The following GLS variants were observed in gnomAD, a reference collection of about 807,000 sequenced individuals.
The protein encoded by GLS is glutaminase, also known as glutaminase kidney isoform, mitochondrial.
Under a neutral mutation model 86.7 loss-of-function variants are expected in GLS, and 36 were observed. The observed-to-expected ratio is 0.42, with a 90% CI of 0.32 to 0.55. GLS has a LOEUF of 0.55. GLS is among the 20% of genes least tolerant of loss of function. The probability of loss-of-function intolerance (pLI) is 0.17; values close to 1 mark genes in which losing one functional copy is unlikely to be tolerated. For synonymous variants in GLS, 317 were observed against 305.9 expected (o/e 1.04, Z -0.38); for missense variants, 528 against 833.4 (o/e 0.63, Z 4.51).
At position 190,881,346 on chromosome 2, in the gene GLS, A is replaced by G. The variant is rs1688162623; in HGVS notation, c.262A>G (p.Thr88Ala). The G allele has an allele frequency of 1.9e-5, 29 of 1,536,400 alleles. No homozygotes were observed. The highest frequency in any genetic ancestry group is 2.5e-5 in the Non-Finnish European group (29 of 1,141,438). ...EILQELGKGSTHPQPGVSPPA... is the reference protein window; with the variant it reads ...EILQELGKGSAHPQPGVSPPA... ...CTTGCAGGAGCTGGGCAAGGGGAGC[A>G]CGCATCCGCAGCCCGGGGTGTCGCC... Residue 88 changes from threonine to alanine, a missense_variant, in exon 1 of 18, where the codon ACG becomes GCG. By Grantham distance (58) the Thr-to-Ala change is moderately conservative. Around this residue, in one of 4 missense-constraint regions of GLS, gnomAD observed 224 missense variants for 187.9 expected, o/e 1.19. Transcript: ENST00000320717.
chr2:190,912,753 T>C (rs1409517845), intron 7 of GLS, among the ~76,000 whole-genome samples: 3 of 152,208 alleles, frequency 2.0e-5, no homozygotes, highest in Non-Finnish European at 4.4e-5. Context: ...CCATTTCTCT[T>C]GATGACATCT....
chr2:190,925,830 A>G (rs560880949), intron 11 of GLS, among the ~76,000 whole-genome samples: 2 of 152,332 alleles, frequency 1.3e-5, no homozygotes, highest in East Asian at 1.9e-4. Flanking sequence ...ACCTAATTTT[A>G]GTTACTGATC....
chr2:190,950,775 G>A (rs1690699575), intron 14 of GLS, among the ~76,000 whole-genome samples: 1 of 152,212 alleles, frequency 6.6e-6, no homozygotes, highest in Non-Finnish European at 1.5e-5. Context: ...TGAGTTTGTG[G>A]CCTGAGCAAG....
chr2:190,952,786 GTTTAA>G (rs1690750567), intron 14 of GLS, among the ~76,000 whole-genome samples: 1 of 152,200 alleles, frequency 6.6e-6, no homozygotes, highest in Non-Finnish European at 1.5e-5. Context: ...ATGGTCAATA[GTTTAA>G]TTTCTCATAG....
intron 11 of GLS, among the ~76,000 whole-genome samples, chr2:190,926,664 G>T (rs928716730): frequency 2.0e-5 from 3 of 152,088 alleles, no homozygotes; most frequent in Non-Finnish European, 2.9e-5. Context: ...TTTTATCCTA[G>T]AGGGTATTCT....
At chr2:190,932,992 CTT>C in intron 14 of GLS, 2 of 1,196,674 alleles carry the variant, frequency 1.7e-6, no homozygotes, top group Non-Finnish European at 2.1e-6. Flanking sequence ...AGCCATAAAG[CTT>C]TTTTTTCCTT....
intron 14 of GLS, among the ~76,000 whole-genome samples, chr2:190,939,161 T>C (rs1380224799): frequency 6.6e-6 from 1 of 151,678 alleles, no homozygotes; most frequent in Non-Finnish European, 1.5e-5. Context: ...TTTGGATCTG[T>C]GAGTGGCCCC....
rs984520012 is a variant in GLS, at chr2:190,930,272, A to G, written c.1426-165A>G. ...GAGATCTCCCTGTGTTACCCAGCCTAGCCTCCAACTCCTGGGCTCAAGTGA... is the reference window on the plus strand; with the variant it reads ...GAGATCTCCCTGTGTTACCCAGCCTGGCCTCCAACTCCTGGGCTCAAGTGA... On this transcript the variant is annotated intron_variant, in intron 12 of 17. Transcript: ENST00000320717. This position sits in a 1 kb window ranked among gnomAD's most constrained non-coding sequence, Gnocchi z 5.0. 7.2e-5 allele frequency among the ~76,000 whole-genome samples: 11 copies of G among 151,924 alleles called. No individual in the cohort carries two copies. Among genetic ancestry groups the G allele is most frequent in the Non-Finnish European group, 4.4e-5 (3 of 67,974 alleles).
At chr2:190,932,548 T>C (rs760953686) in intron 14 of GLS, 9 of 390,946 alleles carry the variant, frequency 2.3e-5, no homozygotes, top group Non-Finnish European at 3.6e-5. Flanking sequence ...ACCAACAGAA[T>C]AGAAACTTCC....
In GLS at chr2:190,921,380, A is replaced by AC. The variant is rs1689731265; in HGVS notation, c.1130+181dup. On this transcript the variant is annotated intron_variant, in intron 9 of 17. Coordinates refer to ENST00000320717, the MANE Select transcript of GLS (RefSeq NM_014905.5). The surrounding 1 kb of genome is among the most constrained non-coding windows in gnomAD (Gnocchi z 4.2). ...ACAGGTAATCATACAATCAGAAGAG[A>AC]CCCCAAGTTTATCTCAAATTACTGG... Among the ~76,000 whole-genome samples the AC allele has an allele frequency of 1.3e-5, 2 of 151,826 alleles. No individual in the cohort carries two copies. Among genetic ancestry groups the AC allele is most frequent in the Admixed American group, 6.6e-5 (1 of 15,226 alleles).
At chr2:190,934,960 A>G (rs773798554) in intron 14 of GLS, 9 of 969,530 alleles carry the variant, frequency 9.3e-6, no homozygotes, top group Non-Finnish European at 1.1e-5. Flanking sequence ...CAGTATTCTT[A>G]ACACCTTTTT....
chr2:190,886,176 T>G (rs1035785905), intron 1 of GLS, among the ~76,000 whole-genome samples: 6 of 152,214 alleles, frequency 3.9e-5, no homozygotes, highest in Admixed American at 3.9e-4. Context: ...CAGCCCAGTT[T>G]TGTTTTTTTA....
intron 14 of GLS, among the ~76,000 whole-genome samples, chr2:190,939,953 A>G (rs1185609301): frequency 6.6e-6 from 1 of 151,794 alleles, no homozygotes; most frequent in African/African-American, 2.4e-5. Flanking sequence ...ATTTTGGGCC[A>G]AAATGAGGTA....
chr2:190,930,437 G>A lies in GLS; in HGVS notation c.1426G>A (p.Val476Ile), dbSNP rs749204445. Residue 476 changes from valine to isoleucine, a missense_variant and splice_region_variant, in exon 13 of 18, where the codon GTT becomes ATT. Physicochemically the swap from Val to Ile is conservative, Grantham distance 29. This residue lies in a region of GLS where 163 missense variants were observed against 429.2 expected (regional missense o/e 0.38). Coordinates refer to ENST00000320717, the MANE Select transcript of GLS (RefSeq NM_014905.5). The surrounding 1 kb of genome is among the most constrained non-coding windows in gnomAD (Gnocchi z 5.0). Reference protein sequence around the residue: ...YDFSGQFAFHVGLPAKSGVAG... With the variant: ...YDFSGQFAFHIGLPAKSGVAG... Reference sequence around the variant, plus strand: ...TACTCTTTTACTGAATTATTTTTAGGTTGGTCTTCCTGCAAAATCTGGAGT... The same window carrying A: ...TACTCTTTTACTGAATTATTTTTAGATTGGTCTTCCTGCAAAATCTGGAGT... 6.2e-7 allele frequency: 1 copy of A among 1,603,220 alleles called. No individual in the cohort carries two copies. Among genetic ancestry groups the A allele is most frequent in the Non-Finnish European group, 8.5e-7 (1 of 1,170,502 alleles).
intron 4 of GLS, 108 bp downstream of exon 4, chr2:190,900,801 CT>C: frequency 1.4e-6 from 1 of 726,468 alleles, no homozygotes; most frequent in East Asian, 2.9e-5. Context: ...AAAGAAAACA[CT>C]TTAGCTTCGC....
In GLS at chr2:190,951,078, T is replaced by G. The variant is rs543501491; in HGVS notation, c.1651-2487T>G. On this transcript the variant is annotated intron_variant, in intron 14 of 17. Transcript: ENST00000320717. This position sits in a 1 kb window ranked among gnomAD's most constrained non-coding sequence, Gnocchi z 4.2. The stretch of plus-strand genomic sequence containing the variant: ...GGGGAAGTCAGTGTGCCCAGAGGAA[T>G]AGATGAATTCTTTGAGGGACATTAT... Among the ~76,000 whole-genome samples the G allele has an allele frequency of 6.6e-6, 1 of 152,226 alleles. No individual in the cohort carries two copies. The highest frequency in any genetic ancestry group is 2.1e-4 in the South Asian group (1 of 4,824).
chr2:190,891,282 G>T (rs1688551769), intron 1 of GLS, among the ~76,000 whole-genome samples: 1 of 152,044 alleles, frequency 6.6e-6, no homozygotes, highest in African/African-American at 2.4e-5. Context: ...TTACTTTAGG[G>T]ATCTTTATTG....
intron 7 of GLS, among the ~76,000 whole-genome samples, chr2:190,915,979 A>T (rs182906658): frequency 1.3e-5 from 2 of 152,358 alleles, no homozygotes; most frequent in Admixed American, 6.5e-5. Flanking sequence ...CTGGAGGCAT[A>T]TAAAGAACTG....
At chr2:190,957,486 A>G (rs1371280412) in intron 17 of GLS, among the ~76,000 whole-genome samples, 1 of 152,228 alleles carries the variant, frequency 6.6e-6, no homozygotes, top group African/African-American at 2.4e-5. Context: ...GTCTTGTGCC[A>G]ATTTTCAAAG....
Sources: gnomAD v4.1 joint callset for allele counts (sites outside exome capture counted in the v4.1 genomes callset) on GRCh38, gnomAD v4.1.1 for gene constraint, gnomAD v4.1.1 regional missense constraint, Gnocchi (gnomAD v3.1) non-coding constraint, MANE v1.5 for transcripts, NCBI Gene and HGNC (gene_info 2026-07-23, HGNC 2026-07-21) for gene names.